The following NCOR2 variants were observed in gnomAD, a reference collection of about 807,000 sequenced individuals.
NCOR2 encodes nuclear receptor corepressor 2.
Under a neutral mutation model 262.9 loss-of-function variants are expected in NCOR2, and 81 were observed. The observed-to-expected ratio is 0.31, with a 90% CI of 0.26 to 0.37. NCOR2 has a LOEUF of 0.37. NCOR2 is among the 10% of genes least tolerant of loss of function. The probability of loss-of-function intolerance (pLI) is 1.00; values close to 1 mark genes in which losing one functional copy is unlikely to be tolerated. For missense variants in NCOR2, 3,385 were observed against 3,621.4 expected, an observed-to-expected ratio of 0.93 and a Z score of 1.68; for synonymous variants, 1,659 against 1,559.3, an observed-to-expected ratio of 1.06 and a Z score of -1.51.
At chr12:124,448,417 T>C (rs558343442) in intron 7 of NCOR2, among the ~76,000 whole-genome samples, 1 of 152,304 alleles carries the variant, frequency 6.6e-6, no homozygotes, top group South Asian at 2.1e-4. Context: ...GCCAGGCCGA[T>C]GAGGAGCCCA....
chr12:124,325,379 C>CGGGGGGGG, exon 47 of NCOR2: 1 of 317,188 alleles, frequency 3.2e-6, no homozygotes, highest in African/African-American at 3.0e-5. Flanking sequence ...CTGACACCGC[C>CGGGGGGGG]CCCCCCCCCG....
At chr12:124,497,681 G>T (rs1042212946), upstream of NCOR2, among the ~76,000 whole-genome samples, 1 of 152,196 alleles carries the variant, frequency 6.6e-6, no homozygotes, top group African/African-American at 2.4e-5. The surrounding 1 kb of genome is among the most constrained non-coding windows in gnomAD (Gnocchi z 4.2). Context: ...AAGTCCTCCT[G>T]CAAGGACCCC....
intron 1 of NCOR2, among the ~76,000 whole-genome samples, chr12:124,559,891 C>G (rs1170074894): frequency 6.6e-6 from 1 of 152,228 alleles, no homozygotes; most frequent in Non-Finnish European, 1.5e-5. Flanking sequence ...GTAGGTGCTA[C>G]AGCAACTATA....
upstream of NCOR2, among the ~76,000 whole-genome samples, chr12:124,498,271 T>C (rs1404600283): frequency 6.6e-6 from 1 of 152,154 alleles, no homozygotes; most frequent in East Asian, 1.9e-4. Context: ...TGGCACACGC[T>C]TACCATGGTG....
In NCOR2 at chr12:124,333,180, C is replaced by G. The variant is rs756406427; in HGVS notation, c.6705G>C (p.Arg2235=). Reference sequence around the variant, plus strand: ...GGTACAGCAGCGGGTACACAGCACTCCGGGAGTGCCCTGGCTCCGTCATGC... The same window carrying G: ...GGTACAGCAGCGGGTACACAGCACTGCGGGAGTGCCCTGGCTCCGTCATGC... Residue 2235 remains arginine (R), a synonymous_variant, in exon 42 of 47, where the codon CGG becomes CGC. Transcript: ENST00000405201. The G allele has an allele frequency of 2.2e-5, 36 of 1,613,050 alleles. 1 individual carries two copies. The South Asian group carries it at 2.7e-4, about 12-fold the overall frequency.
chr12:124,382,570 C>A (rs2136094724), intron 17 of NCOR2, among the ~76,000 whole-genome samples: 1 of 152,326 alleles, frequency 6.6e-6, no homozygotes, highest in South Asian at 2.1e-4. Context: ...ACTAGGACGA[C>A]CCACTTTGAG....
intron 16 of NCOR2, among the ~76,000 whole-genome samples, chr12:124,395,478 C>T (rs188384726): frequency 1.6e-3 from 240 of 152,334 alleles, no homozygotes; most frequent in African/African-American, 5.2e-3. Flanking sequence ...AGGGCCTCCG[C>T]GTGCACGGCC....
At chr12:124,394,977 C>T (rs1409430575) in intron 16 of NCOR2, among the ~76,000 whole-genome samples, 1 of 152,092 alleles carries the variant, frequency 6.6e-6, no homozygotes, top group Non-Finnish European at 1.5e-5. Context: ...GAATGGGGCC[C>T]CTCTGCTGCT....
At chr12:124,413,129 C>T (rs77438754) in intron 13 of NCOR2, among the ~76,000 whole-genome samples, 3 of 152,296 alleles carry the variant, frequency 2.0e-5, no homozygotes, top group South Asian at 2.1e-4. Context: ...TGACAAATGG[C>T]GAAAGGAGGG....
chr12:124,500,663 G>A (rs1021858147), intron 1 of NCOR2, among the ~76,000 whole-genome samples: 5 of 152,144 alleles, frequency 3.3e-5, no homozygotes, highest in Admixed American at 6.5e-5. Flanking sequence ...GGGCAGAGGC[G>A]CCTTTCCGGG....
At chr12:124,456,152 A>T (rs1231202253) in intron 6 of NCOR2, among the ~76,000 whole-genome samples, 4 of 152,228 alleles carry the variant, frequency 2.6e-5, no homozygotes, top group African/African-American at 9.6e-5. Flanking sequence ...CTGGGATTAC[A>T]GGTATGAGCC....
intron 1 of NCOR2, among the ~76,000 whole-genome samples, chr12:124,544,409 C>G (rs1336472501): frequency 1.3e-5 from 2 of 152,234 alleles, no homozygotes; most frequent in Admixed American, 1.3e-4. Flanking sequence ...GGCTGCCCGC[C>G]CAGGAGCAGG....
chr12:124,346,539 C>T (rs1272252400), intron 31 of NCOR2, 25 bp downstream of exon 33: 1 of 1,494,154 alleles, frequency 6.7e-7, no homozygotes, highest in South Asian at 1.4e-5. Context: ...AGAACTGGGC[C>T]CGTGTGCCTG....
intron 16 of NCOR2, among the ~76,000 whole-genome samples, chr12:124,387,790 C>A (rs571003901): frequency 6.6e-6 from 1 of 152,326 alleles, no homozygotes; most frequent in Admixed American, 6.5e-5. Flanking sequence ...TTTCCCCAGC[C>A]GGGGCCAAGA....
chr12:124,339,904 C>CCCCCCCCCTATA, intron 37 of NCOR2, 102 bp downstream of exon 39: 1 of 776,828 alleles, frequency 1.3e-6, no homozygotes, highest in South Asian at 1.8e-5. Context: ...CCCACCCACC[C>CCCCCCCCCTATA]ACCTCCCATA....
intron 1 of NCOR2, among the ~76,000 whole-genome samples, chr12:124,489,075 G>A (rs929271206): frequency 6.6e-6 from 1 of 151,970 alleles, no homozygotes; most frequent in Admixed American, 6.6e-5. Context: ...TGAGCCCAGG[G>A]ACTCCCCCAA....
In NCOR2 at chr12:124,491,427, CT is replaced by C. The variant is rs1348599355; in HGVS notation, c.105+3719del. 2.0e-5 allele frequency among the ~76,000 whole-genome samples: 3 copies of C among 151,686 alleles called. No homozygotes were observed. In the East Asian group the frequency reaches 5.8e-4, roughly 29 times the overall value. On this transcript the variant is annotated intron_variant, in intron 1 of 46. Transcript: ENST00000405201. The stretch of plus-strand genomic sequence containing the variant: ...ACGGGACGGTAAGGCCACTTGCCCC[CT>C]GTTTCACAGCTAGGACATCACTGGG...
intron 1 of NCOR2, among the ~76,000 whole-genome samples, chr12:124,529,283 A>G (rs945449007): frequency 2.0e-5 from 3 of 148,680 alleles, no homozygotes; most frequent in African/African-American, 7.5e-5. Flanking sequence ...CCTGGCCAAC[A>G]TGGCAAAACC....
intron 5 of NCOR2, among the ~76,000 whole-genome samples, chr12:124,463,766 C>A (rs1330698953): frequency 2.0e-5 from 3 of 152,248 alleles, no homozygotes; most frequent in South Asian, 2.1e-4. Flanking sequence ...CTGGGGGCCT[C>A]CCGCACATTA....
Sources: allele counts gnomAD v4.1 joint callset (sites outside exome capture counted in the v4.1 genomes callset), GRCh38; gene constraint gnomAD v4.1.1; non-coding constraint Gnocchi (gnomAD v3.1); transcripts MANE v1.5; gene names NCBI Gene and HGNC (gene_info 2026-07-23, HGNC 2026-07-21).